The following ZNF793 variants were observed in gnomAD, a reference collection of about 807,000 sequenced individuals.
The protein encoded by ZNF793 is zinc finger protein 793.
Under a neutral mutation model 12.4 loss-of-function variants are expected in ZNF793, and 5 were observed. That is an observed-to-expected ratio of 0.40 (90% CI 0.21 to 0.84). ZNF793 has a LOEUF of 0.84. ZNF793 is among the 40% of genes least tolerant of loss of function. The pLI, the probability that ZNF793 is intolerant of heterozygous loss-of-function variation, is 0.35. For synonymous variants in ZNF793, 162 were observed against 172.4 expected (o/e 0.94, Z 0.47); for missense variants, 456 against 495.0 (o/e 0.92, Z 0.75).
Position 37,538,444 on chromosome 19 carries a change from C to T in ZNF793, c.*565C>T, listed in dbSNP as rs181043897. 1.3e-5 allele frequency: 2 copies of T among 152,362 alleles called. No homozygotes were observed. Among genetic ancestry groups the T allele is most frequent in the African/African-American group, 4.8e-5 (2 of 41,428 alleles). 9.4% of individuals were successfully genotyped at this position (152,362 alleles called of 1,614,324 possible). A position where few individuals can be genotyped will look rare whatever the true frequency, so the allele number is the denominator to read the frequency against. On this transcript the variant is annotated 3_prime_UTR_variant, in exon 8 of 8. Transcript: ENST00000627814. ...TACAGGCACCTGCCACCACGCCTGGCTAATTTTTGTATTTTTAGTAGAGAT... is the reference window on the plus strand; with the variant it reads ...TACAGGCACCTGCCACCACGCCTGGTTAATTTTTGTATTTTTAGTAGAGAT...
intron 2 of ZNF793, among the ~76,000 whole-genome samples, chr19:37,510,694 ATTCTT>A (rs2042287223): frequency 6.7e-6 from 1 of 149,620 alleles, no homozygotes; most frequent in Non-Finnish European, 1.5e-5. Context: ...AAAAAAAAAA[ATTCTT>A]TTCTTTTTTT....
chr19:37,523,679 C>T (rs1011077199), intron 5 of ZNF793, among the ~76,000 whole-genome samples: 6 of 152,134 alleles, frequency 3.9e-5, no homozygotes, highest in Non-Finnish European at 7.4e-5. Context: ...AATTGTTGAA[C>T]AGAGGCCTTA....
intron 2 of ZNF793, among the ~76,000 whole-genome samples, chr19:37,514,566 A>C (rs906142076): frequency 3.4e-4 from 47 of 138,636 alleles, no homozygotes; most frequent in Middle Eastern, 3.5e-3. Flanking sequence ...CAGTAGATAG[A>C]TAGATAGACA....
At chr19:37,532,215 T>A in intron 5 of ZNF793, 141 bp from the exon 6 acceptor site, 1 of 872,716 alleles carries the variant, frequency 1.1e-6, no homozygotes. Context: ...GGTTTCACCA[T>A]GTTTGCCAGG....
rs1222962385 is a variant in ZNF793 at position 37,541,368 on chromosome 19, CAG to C, written c.*3491_*3492del. 6.6e-6 allele frequency: 1 copy of C among 152,324 alleles called. No individual in the cohort carries two copies. The highest frequency in any genetic ancestry group is 1.9e-4 in the East Asian group (1 of 5,180). The allele number at this position is 152,324 out of a possible 1,614,324, so 9.4% of individuals were successfully genotyped here. A position where few individuals can be genotyped will look rare whatever the true frequency, so the allele number is the denominator to read the frequency against. On this transcript the variant is annotated 3_prime_UTR_variant, in exon 8 of 8. Transcript: ENST00000627814. The stretch of plus-strand genomic sequence containing the variant: ...ATTAACTTTACCAACACAGGACACT[CAG>C]AAGCTATTTAGAAATAAGCAGTTGA...
At chr19:37,508,681 G>A (rs1201474782) in intron 2 of ZNF793, among the ~76,000 whole-genome samples, 2 of 151,968 alleles carry the variant, frequency 1.3e-5, no homozygotes, top group African/African-American at 4.8e-5. Flanking sequence ...ACTCCAGCCC[G>A]GGTGACAGAA....
At chr19:37,513,041 C>T (rs1366219233) in intron 2 of ZNF793, among the ~76,000 whole-genome samples, 2 of 152,042 alleles carry the variant, frequency 1.3e-5, no homozygotes, top group African/African-American at 2.4e-5. Context: ...TTGTACATCT[C>T]GGACAGGAAT....
chr19:37,534,723 C>G (rs2042490813), intron 7 of ZNF793: 3 of 152,070 alleles, frequency 2.0e-5, no homozygotes, highest in African/African-American at 7.3e-5. Flanking sequence ...ACTCTGTCAC[C>G]CAGGCTGGAG....
At chr19:37,528,374 C>T (rs1046087684) in intron 5 of ZNF793, among the ~76,000 whole-genome samples, 1 of 151,960 alleles carries the variant, frequency 6.6e-6, no homozygotes, top group Non-Finnish European at 1.5e-5. Context: ...ACTGTTCCCA[C>T]CACTGACCTC....
intron 2 of ZNF793, among the ~76,000 whole-genome samples, chr19:37,512,860 C>A (rs1158461674): frequency 6.6e-6 from 1 of 152,238 alleles, no homozygotes; most frequent in Non-Finnish European, 1.5e-5. Context: ...GGATTCTAAT[C>A]CAGTGTTACA....
Position 37,537,911 on chromosome 19 carries a change from ATT to A in ZNF793, c.*49_*50del, listed in dbSNP as rs369737171. ...TATCTGGTTTCATGGTATGTAGGGA[ATT>A]TTTTTTTTTTTTTTTTGAGTTGGAA... On this transcript the variant is annotated 3_prime_UTR_variant, in exon 8 of 8. Coordinates refer to ENST00000627814, the MANE Select transcript of ZNF793 (RefSeq NM_001013659.3). 17,988 of 1,292,722 alleles carry A rather than the reference ATT, an allele frequency of 0.014. No individual in the cohort carries two copies. Among genetic ancestry groups the A allele is most frequent in the Middle Eastern group, 0.026 (127 of 4,798 alleles). The allele number at this position is 1,292,722 out of a possible 1,614,324, so 80.1% of individuals were successfully genotyped here. A position where few individuals can be genotyped will look rare whatever the true frequency, so the allele number is the denominator to read the frequency against.
At chr19:37,509,853 C>A (rs1325560652) in intron 2 of ZNF793, among the ~76,000 whole-genome samples, 1 of 152,122 alleles carries the variant, frequency 6.6e-6, no homozygotes, top group African/African-American at 2.4e-5. Flanking sequence ...AGCACCGTGC[C>A]CTCATGATGC....
rs1228825166 is a variant in ZNF793, at chr19:37,532,645, C to A, written c.142+163C>A. ...GGCCAGCATGGTGAAACCCTGAAAC[C>A]CCATCTCTACTAAAAATACAAATAT... On this transcript the variant is annotated intron_variant, in intron 6 of 7. Transcript: ENST00000627814. Among the ~76,000 whole-genome samples, 5 of 152,138 alleles carry A rather than the reference C, an allele frequency of 3.3e-5. No homozygotes were observed. The East Asian group carries it at 9.7e-4, about 30-fold the overall frequency.
At chr19:37,533,602 T>A (rs1018192480) in intron 7 of ZNF793, 199 bp downstream of exon 7, 7 of 561,766 alleles carry the variant, frequency 1.2e-5, no homozygotes, top group Admixed American at 6.3e-5. Flanking sequence ...TCTGCCCTTA[T>A]GTGCTTGGTC....
chr19:37,522,086 T>C (rs999528795), intron 3 of ZNF793, among the ~76,000 whole-genome samples: 2 of 152,188 alleles, frequency 1.3e-5, no homozygotes, highest in Admixed American at 6.6e-5. Flanking sequence ...GTCAGTGTTA[T>C]AATGATTTAA....
At chr19:37,531,448 T>C (rs1234400456) in intron 5 of ZNF793, 2 of 154,102 alleles carry the variant, frequency 1.3e-5, no homozygotes, top group Middle Eastern at 1.2e-3. Flanking sequence ...ATTACAGGGG[T>C]GAGCCACTGT....
chr19:37,525,506 G>A (rs1467518165), intron 5 of ZNF793, among the ~76,000 whole-genome samples: 5 of 141,338 alleles, frequency 3.5e-5, no homozygotes, highest in Admixed American at 1.5e-4. Context: ...GCACGATCTC[G>A]GCTCACTGCA....
At position 37,537,220 on chromosome 19, in the gene ZNF793, C is replaced by CG. The variant is rs761997447; in HGVS notation, c.566dup (p.Cys190LeufsTer5). 3 of 1,613,674 alleles carry CG rather than the reference C, an allele frequency of 1.9e-6. No individual in the cohort carries two copies. Among genetic ancestry groups the CG allele is most frequent in the East Asian group, 2.2e-5 (1 of 44,900 alleles). ...TAGACGACCTAATGGAGAAAAGCCC[C>CG]GGGGTTGCAGTCACTGTGAGAAAGC... On this transcript the variant is annotated frameshift_variant, in exon 8 of 8. Transcript: ENST00000627814. LOFTEE classifies it low-confidence loss of function (END_TRUNC).
rs765619825 is a variant in ZNF793, at chr19:37,532,418, T to C, written c.78T>C (p.Ser26=). 1.2e-6 allele frequency: 2 copies of C among 1,614,060 alleles called. No homozygotes were observed. The highest frequency in any genetic ancestry group is 1.7e-6 in the Non-Finnish European group (2 of 1,179,980). ...CCCAAGAGGAGTGGCACCGGCTGAG[T>C]CCTGCTCAGAGGGCCCTGTACCGGG... The part of the protein sequence containing the change: ...GFTQEEWHRL[S]PAQRALYRDV... Residue 26 remains serine (S), a synonymous_variant, in exon 6 of 8, where the codon AGT becomes AGC. Coordinates refer to ENST00000627814, the MANE Select transcript of ZNF793 (RefSeq NM_001013659.3).
Sources: allele counts gnomAD v4.1 joint callset (sites outside exome capture counted in the v4.1 genomes callset), GRCh38; gene constraint gnomAD v4.1.1; transcripts MANE v1.5; gene names NCBI Gene and HGNC (gene_info 2026-07-23, HGNC 2026-07-21).